Variants in FRMD4A observed in about 807,000 individuals in gnomAD.
The protein encoded by FRMD4A is FERM domain containing 4A.
FRMD4A carries 29 observed loss-of-function variants against 129.1 expected under a neutral mutation model. That is an observed-to-expected ratio of 0.22 (90% CI 0.17 to 0.31). The LOEUF is 0.31. Among genes scored for constraint, FRMD4A ranks in the 10% least tolerant of loss-of-function variants. The probability of loss-of-function intolerance (pLI) is 1.00; values close to 1 mark genes in which losing one functional copy is unlikely to be tolerated. For synonymous variants in FRMD4A, 634 were observed against 571.6 expected, an observed-to-expected ratio of 1.11 and a Z score of -1.56; for missense variants, 1,272 against 1,375.8, an observed-to-expected ratio of 0.92 and a Z score of 1.19.
At chr10:13,753,265 A>G (rs2091712212) in intron 8 of FRMD4A, among the ~76,000 whole-genome samples, 1 of 152,290 alleles carries the variant, frequency 6.6e-6, no homozygotes, top group East Asian at 1.9e-4. Flanking sequence ...GCACCTGCCT[A>G]TCTCCGCCCA....
At chr10:14,191,836 C>CT (rs1387903141) in intron 2 of FRMD4A, among the ~76,000 whole-genome samples, 2 of 146,566 alleles carry the variant, frequency 1.4e-5, no homozygotes, top group Non-Finnish European at 3.0e-5. Flanking sequence ...CTGGCAAATG[C>CT]TTCATCTCCT....
Position 14,223,746 on chromosome 10 carries a change from G to GAA in FRMD4A, c.45+106310_45+106311dup, listed in dbSNP as rs1160672002. Among the ~76,000 whole-genome samples the GAA allele has an allele frequency of 5.6e-3, 355 of 63,212 alleles. 3 individuals carry two copies. The highest frequency in any genetic ancestry group is 0.013 in the African/African-American group (249 of 18,656). The allele number at this position is 63,212 out of a possible 152,430, so 41.5% of individuals were successfully genotyped here. ...ACAGAGCAAGACCATGTCTCAAAATGAAAAAAAAAAAAAAAAAAGAGAGAG... is the reference window on the plus strand; with the variant it reads ...ACAGAGCAAGACCATGTCTCAAAATGAAAAAAAAAAAAAAAAAAAAGAGAGAG... On this transcript the variant is annotated intron_variant, in intron 2 of 24. Transcript: ENST00000357447.
chr10:13,831,358 G>A (rs527976179), intron 3 of FRMD4A, among the ~76,000 whole-genome samples: 1 of 152,182 alleles, frequency 6.6e-6, no homozygotes, highest in Non-Finnish European at 1.5e-5. Context: ...TGAGGCAGGA[G>A]GATTGCTTGA....
intron 6 of FRMD4A, 48 bp from the exon 7 acceptor site, chr10:13,762,728 C>T (rs889329905): frequency 1.6e-6 from 2 of 1,222,608 alleles, no homozygotes; most frequent in African/African-American, 1.5e-5. Context: ...ATTTAACCAC[C>T]ATTTTTTTCT....
chr10:13,805,264 C>T (rs1003560314), intron 4 of FRMD4A, among the ~76,000 whole-genome samples: 1 of 152,064 alleles, frequency 6.6e-6, no homozygotes, highest in African/African-American at 2.4e-5. Flanking sequence ...CCGCCTCAGC[C>T]TCCCAACGTG....
At chr10:13,776,106 A>AT (rs199767482) in intron 6 of FRMD4A, among the ~76,000 whole-genome samples, 2,277 of 150,730 alleles carry the variant, frequency 0.015, 93 homozygotes, top group South Asian at 0.12. Context: ...CTACATCCTT[A>AT]TTTTTTTTTT....
intron 13 of FRMD4A, among the ~76,000 whole-genome samples, chr10:13,706,176 T>G (rs2087418741): frequency 6.6e-6 from 1 of 152,232 alleles, no homozygotes; most frequent in African/African-American, 2.4e-5. Flanking sequence ...CTGTAGAGTC[T>G]GATCTTTTTT....
chr10:13,895,636 C>T (rs11258713), intron 2 of FRMD4A, among the ~76,000 whole-genome samples: 30,119 of 152,148 alleles, frequency 0.2, 3,210 homozygotes, highest in Middle Eastern at 0.32. Context: ...ATGACTAAAA[C>T]ACCAAAAGCA....
chr10:13,989,165 C>T (rs1323528614), intron 2 of FRMD4A, among the ~76,000 whole-genome samples: 5 of 152,048 alleles, frequency 3.3e-5, no homozygotes, highest in East Asian at 1.9e-4. Flanking sequence ...CCTAGTGGCA[C>T]CTCCCATCCC....
intron 2 of FRMD4A, among the ~76,000 whole-genome samples, chr10:14,080,789 C>T (rs1457249219): frequency 6.6e-6 from 1 of 151,858 alleles, no homozygotes; most frequent in African/African-American, 2.4e-5. Flanking sequence ...CATCTCTATA[C>T]CTCATGGTGC....
At chr10:14,011,330 G>T (rs1366930702) in intron 2 of FRMD4A, among the ~76,000 whole-genome samples, 1 of 152,186 alleles carries the variant, frequency 6.6e-6, no homozygotes, top group Non-Finnish European at 1.5e-5. Context: ...GGACGGAGGG[G>T]CTAAGAACCA....
chr10:13,922,418 G>A (rs2095083717), intron 2 of FRMD4A, among the ~76,000 whole-genome samples: 1 of 152,154 alleles, frequency 6.6e-6, no homozygotes, highest in African/African-American at 2.4e-5. Context: ...GAAAATATAT[G>A]TGGTCTAACT....
chr10:14,235,077 G>C (rs994391025), intron 2 of FRMD4A, among the ~76,000 whole-genome samples: 1 of 152,054 alleles, frequency 6.6e-6, no homozygotes, highest in African/African-American at 2.4e-5. Context: ...TTCACCTGTA[G>C]TTGTTTGGGC....
chr10:14,212,930 A>G (rs894234933), intron 2 of FRMD4A, among the ~76,000 whole-genome samples: 1 of 152,224 alleles, frequency 6.6e-6, no homozygotes, highest in African/African-American at 2.4e-5. Context: ...GGCAAACCAC[A>G]TGCTGGGTTC....
rs181738770 is a variant in FRMD4A, at chr10:14,237,193, G to A, written c.45+92865C>T. 4.6e-5 allele frequency among the ~76,000 whole-genome samples: 7 copies of A among 152,170 alleles called. 1 individual carries two copies. In the South Asian group the frequency reaches 8.3e-4, roughly 18 times the overall value. ...ATGAGGAGATAGAACCTGGAGTGAC[G>A]AGCACTGTCACGGTAAGCCAAGACT... is the stretch of plus-strand genomic sequence containing the variant. On this transcript the variant is annotated intron_variant, in intron 2 of 24. Coordinates refer to ENST00000357447, the MANE Select transcript of FRMD4A (RefSeq NM_018027.5).
chr10:14,254,986 T>C (rs1163495793), intron 2 of FRMD4A, among the ~76,000 whole-genome samples: 1 of 152,134 alleles, frequency 6.6e-6, no homozygotes, highest in Non-Finnish European at 1.5e-5. Context: ...CTCAACTTCC[T>C]ATTAAGAATG....
chr10:14,186,201 T>C (rs1589143360), intron 2 of FRMD4A, among the ~76,000 whole-genome samples: 1 of 149,204 alleles, frequency 6.7e-6, no homozygotes, highest in Non-Finnish European at 1.5e-5. Context: ...TCTTATGGGA[T>C]AACAAAACAG....
chr10:14,212,491 C>T (rs1043425097), intron 2 of FRMD4A, among the ~76,000 whole-genome samples: 1 of 152,080 alleles, frequency 6.6e-6, no homozygotes, highest in Non-Finnish European at 1.5e-5. Context: ...CCCCCGATAC[C>T]GAATAAAACT....
chr10:14,110,463 T>A (rs1837841896), intron 2 of FRMD4A, among the ~76,000 whole-genome samples: 1 of 152,174 alleles, frequency 6.6e-6, no homozygotes, highest in African/African-American at 2.4e-5. Flanking sequence ...AAATTGTAAG[T>A]GATCTGTAAG....
Sources: gnomAD v4.1 joint callset for allele counts (sites outside exome capture counted in the v4.1 genomes callset) on GRCh38, gnomAD v4.1.1 for gene constraint, MANE v1.5 for transcripts, NCBI Gene and HGNC (gene_info 2026-07-23, HGNC 2026-07-21) for gene names.